Variants in WNT3 observed in about 807,000 individuals in gnomAD.
WNT3 encodes Wnt family member 3.
In WNT3, 7 loss-of-function variants were observed where a neutral mutation model predicts 34.2. That is an observed-to-expected ratio of 0.20 (90% CI 0.12 to 0.38). The LOEUF (loss-of-function observed/expected upper bound fraction) is 0.38. WNT3 is among the 10% of genes least tolerant of loss of function. The pLI, the probability that WNT3 is intolerant of heterozygous loss-of-function variation, is 1.00. For synonymous variants in WNT3, 212 were observed against 211.5 expected, an observed-to-expected ratio of 1.00 and a Z score of -0.02; for missense variants, 267 against 499.8, an observed-to-expected ratio of 0.53 and a Z score of 4.44.
At chr17:46,776,855 G>A (rs894175274) in intron 1 of WNT3, among the ~76,000 whole-genome samples, 6 of 152,084 alleles carry the variant, frequency 3.9e-5, no homozygotes, top group African/African-American at 1.4e-4. Flanking sequence ...AGAGGCACTC[G>A]GAGACCCTTC....
At chr17:46,784,652 C>T (rs980331685) in intron 1 of WNT3, among the ~76,000 whole-genome samples, 2 of 152,138 alleles carry the variant, frequency 1.3e-5, no homozygotes, top group African/African-American at 2.4e-5. Context: ...TGGCAGCAGG[C>T]GCCCAGGTCT....
At chr17:46,793,187 T>C (rs1241796744) in intron 1 of WNT3, among the ~76,000 whole-genome samples, 3 of 146,282 alleles carry the variant, frequency 2.1e-5, no homozygotes, top group East Asian at 2.0e-4. Context: ...GTTGGGAGGA[T>C]TGCTTGAGCC....
At chr17:46,773,338 G>A (rs1003793487) in intron 2 of WNT3, among the ~76,000 whole-genome samples, 3 of 152,092 alleles carry the variant, frequency 2.0e-5, no homozygotes, top group Non-Finnish European at 4.4e-5. Flanking sequence ...CCACCCCAAA[G>A]CGGTATTTGC....
chr17:46,768,518 C>A lies in WNT3; in HGVS notation c.870G>T (p.Thr290=), dbSNP rs911671681. 1.9e-6 allele frequency: 3 copies of A among 1,614,164 alleles called. No homozygotes were observed. The highest frequency in any genetic ancestry group is 2.5e-6 in the Non-Finnish European group (3 of 1,180,044). ...SPNFCEPNPE[T]GSFGTRDRTC... ...TCCGGTCCCTTGTGCCAAAGGAACC[C>A]GTCTCTGGGTTGGGCTCACAAAAGT... The change falls in exon 4 of 5, where the codon ACG becomes ACT. Residue 290 remains threonine (T), a synonymous_variant. Transcript: ENST00000225512. The surrounding 1 kb of genome is among the most constrained non-coding windows in gnomAD (Gnocchi z 5.0).
At chr17:46,804,526 C>G (rs2084167950) in intron 1 of WNT3, among the ~76,000 whole-genome samples, 1 of 152,180 alleles carries the variant, frequency 6.6e-6, no homozygotes, top group African/African-American at 2.4e-5. Context: ...AATCAGAGAG[C>G]TGATGGCAGG....
At chr17:46,809,191 T>C (rs1405610973) in intron 1 of WNT3, among the ~76,000 whole-genome samples, 2 of 152,020 alleles carry the variant, frequency 1.3e-5, no homozygotes, top group African/African-American at 2.4e-5. Context: ...CAGTACCAGA[T>C]AGGAAGAGGG....
intron 1 of WNT3, among the ~76,000 whole-genome samples, chr17:46,816,847 A>T (rs2084357198): frequency 6.6e-6 from 1 of 152,190 alleles, no homozygotes; most frequent in African/African-American, 2.4e-5. Context: ...GAAAAACGGC[A>T]TGGCCTTGGC....
chr17:46,765,072 C>G (rs972961256), intron 4 of WNT3, among the ~76,000 whole-genome samples: 1 of 152,244 alleles, frequency 6.6e-6, no homozygotes, highest in Non-Finnish European at 1.5e-5. Flanking sequence ...TACTTAATTA[C>G]GAACAATTCC....
intron 2 of WNT3, among the ~76,000 whole-genome samples, chr17:46,772,389 T>C (rs1465817276): frequency 6.6e-6 from 1 of 152,198 alleles, no homozygotes; most frequent in Non-Finnish European, 1.5e-5. Context: ...CCCTGGCTCT[T>C]GGCCGGAGAC....
At chr17:46,767,594 A>G (rs2059325015) in intron 4 of WNT3, among the ~76,000 whole-genome samples, 1 of 152,206 alleles carries the variant, frequency 6.6e-6, no homozygotes, top group African/African-American at 2.4e-5. Context: ...GTGAAAGAAC[A>G]GGAAGTTACT....
intron 1 of WNT3, among the ~76,000 whole-genome samples, chr17:46,778,917 G>C: frequency 6.6e-6 from 1 of 152,096 alleles, no homozygotes; most frequent in East Asian, 1.9e-4. Flanking sequence ...AATCTTTCCT[G>C]TACCTAATTC....
At chr17:46,815,455 T>C (rs2084328559) in intron 1 of WNT3, among the ~76,000 whole-genome samples, 1 of 151,946 alleles carries the variant, frequency 6.6e-6, no homozygotes, top group Non-Finnish European at 1.5e-5. Context: ...CCCCTGTAAA[T>C]CCTTCCTGGG....
rs2059394402 is a variant in WNT3, at chr17:46,773,870, T to C, written c.120A>G (p.Ser40=). Residue 40 remains serine (S), a synonymous_variant, in exon 2 of 5, where the codon TCA becomes TCG. Coordinates refer to ENST00000225512, the MANE Select transcript of WNT3 (RefSeq NM_030753.5). ...GGATGGAGCCGCAGAGCAGGGGCTG[T>C]GAGCCCAGAGATGTGTACTGCTGGC... is the stretch of plus-strand genomic sequence containing the variant. ...ALGQQYTSLG[S]QPLLCGSIPG... 6.2e-7 allele frequency: 1 copy of C among 1,612,518 alleles called. No individual in the cohort carries two copies. The highest frequency in any genetic ancestry group is 8.5e-7 in the Non-Finnish European group (1 of 1,179,966).
intron 1 of WNT3, among the ~76,000 whole-genome samples, chr17:46,795,389 C>T (rs1024487710): frequency 2.0e-4 from 31 of 152,120 alleles, no homozygotes; most frequent in African/African-American, 5.3e-4. Flanking sequence ...GGCTCCCCTC[C>T]GAGGTGGGGA....
intron 1 of WNT3, among the ~76,000 whole-genome samples, chr17:46,791,057 G>T (rs2083978943): frequency 1.3e-5 from 2 of 152,048 alleles, no homozygotes; most frequent in Admixed American, 1.3e-4. Context: ...GTATCTGTTT[G>T]TGAGTAGGTG....
intron 4 of WNT3, among the ~76,000 whole-genome samples, chr17:46,765,582 CAAGAG>C (rs1370245275): frequency 2.0e-5 from 3 of 152,252 alleles, no homozygotes; most frequent in Non-Finnish European, 2.9e-5. Context: ...TCAGGGAAGA[CAAGAG>C]AACAGCTAAC....
At chr17:46,809,688 C>A (rs2084245829) in intron 1 of WNT3, among the ~76,000 whole-genome samples, 1 of 152,208 alleles carries the variant, frequency 6.6e-6, no homozygotes, top group Non-Finnish European at 1.5e-5. Flanking sequence ...TTGGAAATCT[C>A]ACTCTGGGTC....
rs751644315 is a variant in WNT3, at chr17:46,769,882, G to C, written c.489C>G (p.Asp163Glu). The C allele has an allele frequency of 6.2e-7, 1 of 1,613,524 alleles. No homozygotes were observed. Among genetic ancestry groups the C allele is most frequent in the African/African-American group, 1.3e-5 (1 of 74,950 alleles). Residue 163 changes from aspartate to glutamate, a missense_variant, in exon 3 of 5, where the codon GAC becomes GAG. Physicochemically the swap from Asp to Glu is conservative, Grantham distance 45. This residue lies in a region of WNT3 where 181 missense variants were observed against 391.3 expected (regional missense o/e 0.46). Coordinates refer to ENST00000225512, the MANE Select transcript of WNT3 (RefSeq NM_030753.5). ...ACTCCCTGGACACTAACACGCCGAA[G>C]TCAGCGTCCTCGCTGCAGCCGCCCC... ...WKWGGCSEDA[D>E]FGVLVSREFA... is the part of the protein sequence containing the mutation.
chr17:46,777,630 C>T (rs550344428), intron 1 of WNT3, among the ~76,000 whole-genome samples: 3 of 152,384 alleles, frequency 2.0e-5, no homozygotes, highest in African/African-American at 4.8e-5. Context: ...CTAATGACAA[C>T]TATTTATGTA....
Sources: allele counts gnomAD v4.1 joint callset (sites outside exome capture counted in the v4.1 genomes callset), GRCh38; gene constraint gnomAD v4.1.1; regional missense constraint gnomAD v4.1.1; non-coding constraint Gnocchi (gnomAD v3.1); transcripts MANE v1.5; gene names NCBI Gene and HGNC (gene_info 2026-07-23, HGNC 2026-07-21).